Variants in VPS13B observed in about 807,000 individuals in gnomAD.
The protein encoded by VPS13B is vacuolar protein sorting 13 homolog B, also known as intermembrane lipid transfer protein VPS13B.
In VPS13B, 285 loss-of-function variants were observed where a neutral mutation model predicts 426.4. That is an observed-to-expected ratio of 0.67 (90% CI 0.61 to 0.74). VPS13B has a LOEUF of 0.74. VPS13B is among the 30% of genes least tolerant of loss of function. The pLI is 0.00. For synonymous variants in VPS13B, 1,676 were observed against 1,676.4 expected, an observed-to-expected ratio of 1.00 and a Z score of 0.01; for missense variants, 4,537 against 4,782.6, an observed-to-expected ratio of 0.95 and a Z score of 1.51.
At chr8:99,195,229 G>A (rs960462929) in intron 17 of VPS13B, among the ~76,000 whole-genome samples, 2 of 152,108 alleles carry the variant, frequency 1.3e-5, no homozygotes, top group African/African-American at 4.8e-5. Flanking sequence ...ATTCTAACAG[G>A]TATGTGGTTA....
intron 19 of VPS13B, among the ~76,000 whole-genome samples, chr8:99,290,960 A>G (rs1357565454): frequency 6.6e-6 from 1 of 152,126 alleles, no homozygotes; most frequent in African/African-American, 2.4e-5. Flanking sequence ...AAGTCATTTT[A>G]AAGGGTTTGG....
At position 99,877,561 on chromosome 8, in the gene VPS13B, T is replaced by A. The variant is rs1817748263; in HGVS notation, c.*1895T>A. Reference sequence around the variant, plus strand: ...GGGTAATATACAGGTTTTGTTATAATAAAGTTACTGATTAAATTAGCTTTG... The same window carrying A: ...GGGTAATATACAGGTTTTGTTATAAAAAAGTTACTGATTAAATTAGCTTTG... On this transcript the variant is annotated 3_prime_UTR_variant, in exon 62 of 62. Transcript: ENST00000357162. 6.6e-6 allele frequency: 1 copy of A among 152,374 alleles called. No homozygotes were observed. The highest frequency in any genetic ancestry group is 1.5e-5 in the Non-Finnish European group (1 of 68,034). 9.4% of individuals were successfully genotyped at this position (152,374 alleles called of 1,614,324 possible).
chr8:99,349,433 CA>C (rs1811746939), intron 19 of VPS13B, among the ~76,000 whole-genome samples: 1 of 151,284 alleles, frequency 6.6e-6, no homozygotes, highest in South Asian at 2.1e-4. Flanking sequence ...AGATCCCCCA[CA>C]AATGTACCAA....
intron 55 of VPS13B, among the ~76,000 whole-genome samples, chr8:99,851,477 G>A (rs533895515): frequency 1.6e-3 from 249 of 152,282 alleles, no homozygotes; most frequent in Middle Eastern, 3.4e-3. Flanking sequence ...CAGTAAGAGG[G>A]GCTGGAAGTG....
At chr8:99,413,634 T>C (rs1210904618) in intron 21 of VPS13B, among the ~76,000 whole-genome samples, 2 of 152,214 alleles carry the variant, frequency 1.3e-5, no homozygotes, top group Non-Finnish European at 2.9e-5. Context: ...CATTGTGTCT[T>C]AGTTCTCATT....
chr8:99,089,121 T>C (rs1447037304), intron 3 of VPS13B, among the ~76,000 whole-genome samples: 1 of 152,214 alleles, frequency 6.6e-6, no homozygotes, highest in South Asian at 2.1e-4. Flanking sequence ...GGGCATTTAA[T>C]AGCTGTGTGA....
chr8:99,411,237 T>C lies in VPS13B; in HGVS notation c.3082+19533T>C, dbSNP rs538980993. Among the ~76,000 whole-genome samples, 77 of 152,296 alleles carry C rather than the reference T, an allele frequency of 5.1e-4. 1 individual carries two copies. The highest frequency in any genetic ancestry group is 3.4e-3 in the Middle Eastern group (1 of 292). ...CTCCAGCATCTGTTGTTTCCTGACT[T>C]TTTAATAATCGCCATTCTAACCGGC... On this transcript the variant is annotated intron_variant, in intron 21 of 61. Coordinates refer to ENST00000357162, the MANE Select transcript of VPS13B (RefSeq NM_152564.5).
At chr8:99,369,624 A>C (rs140375436) in intron 19 of VPS13B, among the ~76,000 whole-genome samples, 1 of 152,202 alleles carries the variant, frequency 6.6e-6, no homozygotes, top group South Asian at 2.1e-4. Context: ...CTACTTTGAC[A>C]CAGGAAAAAT....
intron 39 of VPS13B, among the ~76,000 whole-genome samples, chr8:99,744,493 T>C (rs1809959149): frequency 6.6e-6 from 1 of 152,174 alleles, no homozygotes; most frequent in Admixed American, 6.5e-5. Flanking sequence ...GGATTATAAA[T>C]CATGCTGCTA....
At chr8:99,697,039 C>G (rs1218251613) in intron 35 of VPS13B, 1 of 562,522 alleles carries the variant, frequency 1.8e-6, no homozygotes, top group Non-Finnish European at 3.3e-6. Context: ...AGTGTCTGGA[C>G]CTGCACCTGC....
At chr8:99,299,074 T>C in intron 19 of VPS13B, among the ~76,000 whole-genome samples, 1 of 148,120 alleles carries the variant, frequency 6.8e-6, no homozygotes, top group South Asian at 2.2e-4. Flanking sequence ...TTTTTTTTTT[T>C]TTTTGAGACA....
At chr8:99,130,302 T>C (rs1180464415) in intron 8 of VPS13B, among the ~76,000 whole-genome samples, 2 of 152,172 alleles carry the variant, frequency 1.3e-5, no homozygotes, top group Non-Finnish European at 2.9e-5. Context: ...TTTTGAGCAG[T>C]TGATATCAGT....
At chr8:99,681,041 A>G (rs1227577124) in intron 35 of VPS13B, among the ~76,000 whole-genome samples, 1 of 152,130 alleles carries the variant, frequency 6.6e-6, no homozygotes, top group African/African-American at 2.4e-5. Context: ...ATTTTTTTCT[A>G]TTTGTAAAAA....
At chr8:99,512,801 A>T (rs890341061) in intron 29 of VPS13B, among the ~76,000 whole-genome samples, 1 of 152,132 alleles carries the variant, frequency 6.6e-6, no homozygotes, top group Non-Finnish European at 1.5e-5. Flanking sequence ...TGAGGTCAGG[A>T]GTTTGAGACC....
rs761711737 is a variant in VPS13B, at chr8:99,134,595, C to T, written c.1207-37C>T. On this transcript the variant is annotated intron_variant, in intron 8 of 61. Transcript: ENST00000357162. The stretch of plus-strand genomic sequence containing the variant: ...AATGACAATTTATTGCTCTTTAATA[C>T]TAAATTTGATTTACTTAATATTCTT... 4.0e-6 allele frequency: 6 copies of T among 1,489,220 alleles called. No homozygotes were observed. The African/African-American group carries it at 8.4e-5, about 21-fold the overall frequency. 92.3% of individuals were successfully genotyped at this position (1,489,220 alleles called of 1,614,324 possible).
chr8:99,483,374 G>A (rs1820144725), intron 25 of VPS13B, among the ~76,000 whole-genome samples: 1 of 152,068 alleles, frequency 6.6e-6, no homozygotes, highest in South Asian at 2.1e-4. Context: ...TAAAAGCAGT[G>A]AATTCTTTCT....
At chr8:99,409,620 G>A (rs1815513669) in intron 21 of VPS13B, among the ~76,000 whole-genome samples, 1 of 151,970 alleles carries the variant, frequency 6.6e-6, no homozygotes, top group South Asian at 2.1e-4. Context: ...TCTTTGGATT[G>A]CAAAGACCCC....
chr8:99,769,427 A>C (rs908868611), intron 40 of VPS13B, among the ~76,000 whole-genome samples: 4 of 152,242 alleles, frequency 2.6e-5, no homozygotes, highest in African/African-American at 9.6e-5. Context: ...ATATTCTGTC[A>C]CAAGAGAAAT....
At position 99,300,250 on chromosome 8, in the gene VPS13B, C is replaced by T. The variant is rs974199277; in HGVS notation, c.2824+24996C>T. 2.0e-5 allele frequency among the ~76,000 whole-genome samples: 3 copies of T among 152,196 alleles called. No homozygotes were observed. In the South Asian group the frequency reaches 6.2e-4, roughly 31 times the overall value. On this transcript the variant is annotated intron_variant, in intron 19 of 61. Coordinates refer to ENST00000357162, the MANE Select transcript of VPS13B (RefSeq NM_152564.5). ...ATCTATTGTCTGCAATCCCCAAATA[C>T]CACTTGGGTCACTTTATCTCTGCTT...
Sources: gnomAD v4.1 joint callset for allele counts (sites outside exome capture counted in the v4.1 genomes callset) on GRCh38, gnomAD v4.1.1 for gene constraint, MANE v1.5 for transcripts, NCBI Gene and HGNC (gene_info 2026-07-23, HGNC 2026-07-21) for gene names.